CDH4: variants seen among roughly 807,000 people sequenced by gnomAD.
The protein encoded by CDH4 is cadherin 4, also known as cadherin-4.
CDH4 carries 33 observed loss-of-function variants against 86.0 expected under a neutral mutation model. The observed-to-expected ratio is 0.38, with a 90% CI of 0.29 to 0.51. The LOEUF (loss-of-function observed/expected upper bound fraction) is 0.51. CDH4 is among the 20% of genes least tolerant of loss of function. The probability of loss-of-function intolerance (pLI) is 0.86; values close to 1 mark genes in which losing one functional copy is unlikely to be tolerated. For synonymous variants in CDH4, 555 were observed against 549.4 expected (o/e 1.01, Z -0.14); for missense variants, 1,114 against 1,307.4 (o/e 0.85, Z 2.28).
chr20:61,765,836 C>A (rs902385249), intron 3 of CDH4, among the ~76,000 whole-genome samples: 1 of 152,058 alleles, frequency 6.6e-6, no homozygotes, highest in African/African-American at 2.4e-5. Context: ...AAACCCTCAT[C>A]CAGGGAGGAG....
At chr20:61,334,930 C>CT (rs1285505387) in intron 2 of CDH4, among the ~76,000 whole-genome samples, 56 of 152,336 alleles carry the variant, frequency 3.7e-4, no homozygotes, top group East Asian at 3.9e-4. Flanking sequence ...TGAGACCTTC[C>CT]TTTTCCCAGG....
At chr20:61,637,617 ACTTT>A (rs1432868280) in intron 2 of CDH4, among the ~76,000 whole-genome samples, 4 of 152,096 alleles carry the variant, frequency 2.6e-5, no homozygotes, top group Non-Finnish European at 4.4e-5. Context: ...ACTTCTACGT[ACTTT>A]CTTCATGTCA....
chr20:61,902,804 C>T lies in CDH4; in HGVS notation c.1189-7618C>T, dbSNP rs986111681. Among the ~76,000 whole-genome samples the T allele has an allele frequency of 2.0e-5, 3 of 152,122 alleles. No homozygotes were observed. The highest frequency in any genetic ancestry group is 1.9e-4 in the East Asian group (1 of 5,190). The stretch of plus-strand genomic sequence containing the variant: ...AGGAGGAAGATTCTAGCATTGCAGA[C>T]GTCTAAGTATGAGGTCAGCGCCTCG... On this transcript the variant is annotated intron_variant, in intron 8 of 15. Transcript: ENST00000614565. This position sits in a 1 kb window ranked among gnomAD's most constrained non-coding sequence, Gnocchi z 4.6.
At chr20:61,343,325 T>C (rs1270234517) in intron 2 of CDH4, among the ~76,000 whole-genome samples, 2 of 152,204 alleles carry the variant, frequency 1.3e-5, no homozygotes, top group African/African-American at 4.8e-5. Flanking sequence ...AGGTTAGCAG[T>C]CCTTGCCAAA....
chr20:61,585,598 G>A (rs1262160510), intron 2 of CDH4, among the ~76,000 whole-genome samples: 2 of 152,200 alleles, frequency 1.3e-5, no homozygotes, highest in African/African-American at 4.8e-5. Flanking sequence ...CCCGAACTTG[G>A]TGGAGCCATT....
At chr20:61,798,236 AGCTCCCTGCG>A (rs202175807) in intron 4 of CDH4, among the ~76,000 whole-genome samples, 9,005 of 146,068 alleles carry the variant, frequency 0.062, 382 homozygotes, top group Middle Eastern at 0.12. Flanking sequence ...GAGCACCCTC[AGCTCCCTGCG>A]GGAGCACGCA....
intron 2 of CDH4, among the ~76,000 whole-genome samples, chr20:61,716,479 C>T (rs1461087699): frequency 6.6e-6 from 1 of 152,254 alleles, no homozygotes; most frequent in Non-Finnish European, 1.5e-5. Context: ...AGTGTCCCAT[C>T]CTCACTGGAG....
chr20:61,541,513 T>G (rs1312908549), intron 2 of CDH4, among the ~76,000 whole-genome samples: 1 of 152,224 alleles, frequency 6.6e-6, no homozygotes, highest in African/African-American at 2.4e-5. Context: ...CACTGGGGTG[T>G]CCACCATCTA....
At chr20:61,634,985 G>A (rs775890483) in intron 2 of CDH4, among the ~76,000 whole-genome samples, 4 of 152,202 alleles carry the variant, frequency 2.6e-5, no homozygotes, top group Non-Finnish European at 5.9e-5. Flanking sequence ...TCCTTTGTAA[G>A]TCTGAGTGGT....
intron 2 of CDH4, among the ~76,000 whole-genome samples, chr20:61,274,951 C>CAT (rs2084218705): frequency 7.1e-6 from 1 of 141,190 alleles, no homozygotes; most frequent in African/African-American, 2.7e-5. Flanking sequence ...GTACCATGTG[C>CAT]AGTTTGGGGT....
At chr20:61,785,035 C>CT (rs2146005507) in intron 4 of CDH4, among the ~76,000 whole-genome samples, 1 of 152,336 alleles carries the variant, frequency 6.6e-6, no homozygotes. Context: ...GTGGCCGACG[C>CT]TTGGGCACTG....
At chr20:61,381,579 A>T (rs1383550753) in intron 2 of CDH4, among the ~76,000 whole-genome samples, 1 of 152,098 alleles carries the variant, frequency 6.6e-6, no homozygotes, top group East Asian at 1.9e-4. Flanking sequence ...CTCAACAAAA[A>T]CTGTACACGC....
At chr20:61,407,793 T>C (rs190661995) in intron 2 of CDH4, among the ~76,000 whole-genome samples, 12 of 152,274 alleles carry the variant, frequency 7.9e-5, no homozygotes, top group East Asian at 3.9e-4. Flanking sequence ...TAATGCACTG[T>C]GCACAGTGAC....
chr20:61,689,261 G>C (rs2087625652), intron 2 of CDH4, among the ~76,000 whole-genome samples: 2 of 84,130 alleles, frequency 2.4e-5, no homozygotes, highest in Non-Finnish European at 4.7e-5. Flanking sequence ...GTGGAATTGG[G>C]CTGGGACAGT....
At chr20:61,360,574 CTG>C (rs1319095892) in intron 2 of CDH4, among the ~76,000 whole-genome samples, 1 of 152,160 alleles carries the variant, frequency 6.6e-6, no homozygotes, top group Non-Finnish European at 1.5e-5. Context: ...TCTCAGTACA[CTG>C]TGAAGAGCAA....
chr20:61,550,228 C>T (rs2086119198), intron 2 of CDH4, among the ~76,000 whole-genome samples: 1 of 148,786 alleles, frequency 6.7e-6, no homozygotes, highest in African/African-American at 2.5e-5. Flanking sequence ...GGCCTCCCTG[C>T]CCCAACTTCT....
At chr20:61,625,679 G>A (rs960920559) in intron 2 of CDH4, among the ~76,000 whole-genome samples, 3 of 152,192 alleles carry the variant, frequency 2.0e-5, no homozygotes, top group Non-Finnish European at 4.4e-5. Flanking sequence ...AGCAGACACC[G>A]TTCAGATGCT....
intron 2 of CDH4, among the ~76,000 whole-genome samples, chr20:61,560,122 C>T (rs756498276): frequency 6.6e-5 from 10 of 152,136 alleles, no homozygotes; most frequent in South Asian, 2.1e-4. Context: ...ATCTGGTCGG[C>T]GGAGACAAAG....
intron 2 of CDH4, among the ~76,000 whole-genome samples, chr20:61,577,822 T>G (rs2086394914): frequency 6.6e-6 from 1 of 152,198 alleles, no homozygotes. Flanking sequence ...AGACTATGTC[T>G]TGACATAATG....
Sources: allele counts gnomAD v4.1 joint callset (sites outside exome capture counted in the v4.1 genomes callset), GRCh38; gene constraint gnomAD v4.1.1; non-coding constraint Gnocchi (gnomAD v3.1); transcripts MANE v1.5; gene names NCBI Gene and HGNC (gene_info 2026-07-23, HGNC 2026-07-21).